Variants in PTCH1 observed in about 807,000 individuals in gnomAD.
The protein encoded by PTCH1 is patched 1, also known as protein patched homolog 1.
Under a neutral mutation model 144.6 loss-of-function variants are expected in PTCH1, and 14 were observed. The observed-to-expected ratio is 0.10, with a 90% CI of 0.06 to 0.15. The LOEUF is 0.15. PTCH1 is among the 10% of genes least tolerant of loss of function. PTCH1 has a pLI of 1.00. For synonymous variants in PTCH1, 833 were observed against 793.6 expected, an observed-to-expected ratio of 1.05 and a Z score of -0.83; for missense variants, 1,623 against 1,948.3, an observed-to-expected ratio of 0.83 and a Z score of 3.14.
rs567721919 is a variant in PTCH1 at position 95,485,724 on chromosome 9, G to A, written c.545C>T (p.Ala182Val). Reference sequence around the variant, plus strand: ...TACATGGACACGGCTGGCCTGGAGTGCCGAGTCCAGGTGTTGTAGGAGCGC... The same window carrying A: ...TACATGGACACGGCTGGCCTGGAGTACCGAGTCCAGGTGTTGTAGGAGCGC... ...TEALLQHLDSALQASRVHVYM... is the reference protein window; with the variant it reads ...TEALLQHLDSVLQASRVHVYM... Residue 182 changes from alanine (A) to valine (V), a missense_variant, in exon 3 of 24, where the codon GCA becomes GTA. Transcript: ENST00000331920. The A allele has an allele frequency of 6.2e-7, 1 of 1,614,128 alleles. No homozygotes were observed. The highest frequency in any genetic ancestry group is 8.5e-7 in the Non-Finnish European group (1 of 1,180,024).
chr9:95,461,808 C>T (rs374147530), intron 16 of PTCH1, 48 bp downstream of exon 16: 48 of 1,610,740 alleles, frequency 3.0e-5, no homozygotes, highest in East Asian at 1.3e-4. Context: ...ACCAGGGCAG[C>T]GGCCCCGCAG....
chr9:95,489,802 A>ATT (rs1272314588), intron 2 of PTCH1, among the ~76,000 whole-genome samples: 53 of 136,992 alleles, frequency 3.9e-4, no homozygotes, highest in African/African-American at 5.6e-4. Flanking sequence ...GCTATGGATA[A>ATT]TTTTTTTTTT....
chr9:95,481,516 A>G (rs1841531651), intron 5 of PTCH1, among the ~76,000 whole-genome samples: 1 of 152,216 alleles, frequency 6.6e-6, no homozygotes, highest in South Asian at 2.1e-4. Context: ...AGTGTGATCT[A>G]AAGAAAGGTT....
At chr9:95,491,138 G>A (rs889839622) in intron 2 of PTCH1, among the ~76,000 whole-genome samples, 1 of 152,188 alleles carries the variant, frequency 6.6e-6, no homozygotes, top group African/African-American at 2.4e-5. Flanking sequence ...AGGATCCTGA[G>A]ACACAAAATA....
At chr9:95,481,784 C>T (rs979193816) in intron 5 of PTCH1, 165 bp downstream of exon 5, 2 of 680,112 alleles carry the variant, frequency 2.9e-6, no homozygotes, top group Non-Finnish European at 5.1e-6. Context: ...AAACATTCTG[C>T]TGAAATCCCC....
At chr9:95,492,383 A>G (rs1842475506) in intron 2 of PTCH1, among the ~76,000 whole-genome samples, 1 of 152,222 alleles carries the variant, frequency 6.6e-6, no homozygotes. Flanking sequence ...GGCAGCATAT[A>G]AATTTTAAGT....
chr9:95,469,692 G>T (rs560740891), intron 13 of PTCH1, 121 bp downstream of exon 13: 1 of 1,012,324 alleles, frequency 9.9e-7, no homozygotes, highest in East Asian at 2.4e-5. Flanking sequence ...TCTCCCCTAC[G>T]TTCTCCACAC....
intron 12 of PTCH1, among the ~76,000 whole-genome samples, chr9:95,470,524 T>C (rs1019775639): frequency 6.6e-6 from 1 of 152,100 alleles, no homozygotes; most frequent in East Asian, 1.9e-4. Context: ...CTGTGTGTGA[T>C]TATAGTACGC....
rs997034501 is a variant in PTCH1, at chr9:95,466,971, T to G, written c.2560+145A>C. On this transcript the variant is annotated intron_variant, in intron 15 of 23. Transcript: ENST00000331920. ...GAGGCTGCTGCAGAAACAGTTCATG[T>G]AAGAATCTTGAGCAACTCTTAAAAG... The G allele has an allele frequency of 6.6e-6, 6 of 903,626 alleles. No homozygotes were observed. In the African/African-American group the frequency reaches 1.0e-4, roughly 15 times the overall value. The allele number at this position is 903,626 out of a possible 1,614,324, so 56.0% of individuals were successfully genotyped here. A position where few individuals can be genotyped will look rare whatever the true frequency, so the allele number is the denominator to read the frequency against.
chr9:95,467,589 C>T (rs116944583), intron 14 of PTCH1, among the ~76,000 whole-genome samples, 164 bp from the exon 15 acceptor site: 21 of 152,234 alleles, frequency 1.4e-4, no homozygotes, highest in South Asian at 2.1e-4. Context: ...TCATAGTAAT[C>T]GCATTTTTAT....
rs777398691 is a variant in PTCH1 at position 95,481,957 on chromosome 9, T to A, written c.738A>T (p.Ala246=). The A allele has an allele frequency of 6.2e-7, 1 of 1,610,140 alleles. No individual in the cohort carries two copies. Among genetic ancestry groups the A allele is most frequent in the Non-Finnish European group, 8.5e-7 (1 of 1,176,348 alleles). The part of the protein sequence containing the change: ...WEGAKLQSGT[A]YLLGKPPLRW... ...CATGATCACACACTTACAGGAGGTA[T>A]GCTGTCCCAGACTGTAATTTCGCCC... The change falls in exon 5 of 24, where the codon GCA becomes GCT. Residue 246 remains alanine (A), a synonymous_variant. Coordinates refer to ENST00000331920, the MANE Select transcript of PTCH1 (RefSeq NM_000264.5).
intron 17 of PTCH1, 108 bp downstream of exon 17, chr9:95,459,492 A>G (rs1357761157): frequency 2.2e-6 from 3 of 1,355,510 alleles, no homozygotes; most frequent in Non-Finnish European, 3.1e-6. Flanking sequence ...TTCTGTTTAC[A>G]CTTCTGAACC....
chr9:95,460,403 C>G (rs1000614118), intron 16 of PTCH1, among the ~76,000 whole-genome samples: 1 of 152,122 alleles, frequency 6.6e-6, no homozygotes, highest in East Asian at 1.9e-4. Flanking sequence ...TGTGCTCCCT[C>G]GGCAGGAGGG....
In PTCH1 at chr9:95,467,262, A is replaced by G. The variant is rs1339383116; in HGVS notation, c.2414T>C (p.Ile805Thr). Residue 805 changes from isoleucine to threonine, a missense_variant, in exon 15 of 24, where the codon ATA (isoleucine) becomes ACA (threonine). Ile to Thr is a moderately conservative substitution (Grantham distance 89). Coordinates refer to ENST00000331920, the MANE Select transcript of PTCH1 (RefSeq NM_000264.5). Reference sequence around the variant, plus strand: ...CGGGTAGTCTGCTTTCTGGGTGACTATATACATGTTGTAGAAAGAAAAGTA... The same window carrying G: ...CGGGTAGTCTGCTTTCTGGGTGACTGTATACATGTTGTAGAAAGAAAAGTA... ...FKYFSFYNMY[I>T]VTQKADYPNI... is the part of the protein sequence containing the mutation. 1.2e-6 allele frequency: 2 copies of G among 1,614,230 alleles called. No homozygotes were observed. The highest frequency in any genetic ancestry group is 1.1e-5 in the South Asian group (1 of 91,086).
intron 2 of PTCH1, among the ~76,000 whole-genome samples, chr9:95,490,929 C>T (rs117493439): frequency 0.012 from 1,796 of 152,278 alleles, 27 homozygotes; most frequent in East Asian, 0.031. Flanking sequence ...ATTCCAATTA[C>T]CCTCATCTGA....
rs1588609918 is a variant in PTCH1, at chr9:95,480,443, T to A, written c.892A>T (p.Asn298Tyr). The change falls in exon 6 of 24, where the codon AAT becomes TAT. Residue 298 changes from asparagine to tyrosine, a missense_variant. Transcript: ENST00000331920. Reference protein sequence around the residue: ...GHGYMDRPCLNPADPDCPATA... With the variant: ...GHGYMDRPCLYPADPDCPATA... ...GCGGGGCAGTCTGGATCGGCCGGAT[T>A]GAGGCAGGGGCGGTCCATGTAACCA... 1 of 1,611,936 alleles carries A rather than the reference T, an allele frequency of 6.2e-7. No individual in the cohort carries two copies. Among genetic ancestry groups the A allele is most frequent in the South Asian group, 1.1e-5 (1 of 90,606 alleles).
intron 12 of PTCH1, among the ~76,000 whole-genome samples, chr9:95,472,259 A>G (rs1167704749): frequency 6.6e-6 from 1 of 152,208 alleles, no homozygotes; most frequent in African/African-American, 2.4e-5. Context: ...TGACAGTATT[A>G]CCTGATAAAG....
intron 3 of PTCH1, among the ~76,000 whole-genome samples, chr9:95,485,197 C>A (rs1342252393): frequency 6.6e-6 from 1 of 152,062 alleles, no homozygotes; most frequent in Non-Finnish European, 1.5e-5. Flanking sequence ...CAGAGTGAGG[C>A]TCTGTCTCAA....
In PTCH1 at chr9:95,509,072, C is replaced by T. The variant is rs1843993630; in HGVS notation, c.-711G>A. ...GTCCCGGACTCTGCTTTCTTGTGCT[C>T]CTCGGCAACCCGCTGGACCATTCTG... On this transcript the variant is annotated 5_prime_UTR_variant, in exon 1 of 24. Coordinates refer to ENST00000331920, the MANE Select transcript of PTCH1 (RefSeq NM_000264.5). Among the ~76,000 whole-genome samples, 2 of 152,032 alleles carry T rather than the reference C, an allele frequency of 1.3e-5. No homozygotes were observed. The highest frequency in any genetic ancestry group is 4.1e-4 in the South Asian group (2 of 4,824).
Sources: gnomAD v4.1 joint callset for allele counts (sites outside exome capture counted in the v4.1 genomes callset) on GRCh38, gnomAD v4.1.1 for gene constraint, MANE v1.5 for transcripts, NCBI Gene and HGNC (gene_info 2026-07-23, HGNC 2026-07-21) for gene names.